Variants in AKAP13 observed in about 807,000 individuals in gnomAD.
AKAP13 encodes A-kinase anchoring protein 13.
A neutral mutation model predicts 264.5 loss-of-function variants in AKAP13; 80 were observed. The observed-to-expected ratio is 0.30, with a 90% confidence interval of 0.25 to 0.36. The LOEUF (loss-of-function observed/expected upper bound fraction) is 0.36. Ranked by LOEUF, AKAP13 falls within the 10% of genes least tolerant of loss-of-function variation. The pLI is 1.00. For synonymous variants in AKAP13, 1,380 were observed against 1,250.2 expected (o/e 1.10, Z -2.19); for missense variants, 3,712 against 3,435.2 (o/e 1.08, Z -2.01).
At chr15:85,525,528 A>T (rs1982743) in intron 3 of AKAP13, among the ~76,000 whole-genome samples, 79,064 of 151,610 alleles carry the variant, frequency 0.52, 21,003 homozygotes, top group Middle Eastern at 0.62. Context: ...TATTACATTT[A>T]AAACACCTAT....
chr15:85,518,258 CT>C (rs1343965439), intron 2 of AKAP13, among the ~76,000 whole-genome samples: 1 of 152,142 alleles, frequency 6.6e-6, no homozygotes, highest in Non-Finnish European at 1.5e-5. Context: ...CTCATTTAAT[CT>C]TTAAAAGCCA....
At chr15:85,742,449 C>T (rs545516345) in intron 35 of AKAP13, among the ~76,000 whole-genome samples, 11 of 152,260 alleles carry the variant, frequency 7.2e-5, no homozygotes, top group East Asian at 3.9e-4. Flanking sequence ...GTGGCAGGAT[C>T]GGTGGGAGGC....
At chr15:85,731,841 G>T (rs2088060690) in intron 30 of AKAP13, among the ~76,000 whole-genome samples, 1 of 152,050 alleles carries the variant, frequency 6.6e-6, no homozygotes, top group Admixed American at 6.6e-5. Flanking sequence ...CAGCATTTTG[G>T]GAGGCCGAGG....
chr15:85,385,610 G>A (rs2070519428), intron 1 of AKAP13, among the ~76,000 whole-genome samples: 1 of 152,142 alleles, frequency 6.6e-6, no homozygotes, highest in Non-Finnish European at 1.5e-5. Flanking sequence ...TTTCAAGAAT[G>A]TTGTAAAAAT....
chr15:85,721,185 T>G (rs928438558), intron 23 of AKAP13, among the ~76,000 whole-genome samples: 3 of 152,240 alleles, frequency 2.0e-5, no homozygotes, highest in Admixed American at 2.0e-4. Flanking sequence ...ACAGTTTAAC[T>G]CATAGTATCC....
chr15:85,589,082 A>C (rs796526973), intron 8 of AKAP13, among the ~76,000 whole-genome samples: 17 of 152,018 alleles, frequency 1.1e-4, no homozygotes, highest in African/African-American at 4.1e-4. Flanking sequence ...TGACTACTTA[A>C]CTCTTCTCCG....
In AKAP13 at chr15:85,744,650, A is replaced by G. The variant is rs1055701882; in HGVS notation, c.8415A>G (p.Ser2805=). The change falls in exon 37 of 37, where the codon TCA becomes TCG. Residue 2805 remains serine (S), a synonymous_variant. Transcript: ENST00000394518. ...QPGDGPASEV[S]AEGEEIFC is the part of the protein sequence containing the mutation. Reference sequence around the variant, plus strand: ...CAGATGGTCCCGCGTCAGAAGTATCAGCAGAGGGTGAAGAGATCTTCTGCT... The same window carrying G: ...CAGATGGTCCCGCGTCAGAAGTATCGGCAGAGGGTGAAGAGATCTTCTGCT... 10 of 1,613,034 alleles carry G rather than the reference A, an allele frequency of 6.2e-6. No homozygotes were observed. Among genetic ancestry groups the G allele is most frequent in the Non-Finnish European group, 8.5e-6 (10 of 1,179,674 alleles).
In AKAP13 at chr15:85,580,992, A is replaced by G. The variant is rs1351281740; in HGVS notation, c.2924A>G (p.Asp975Gly). ...EKSISADCAK[D>G]KALQLSNSPG... ...TCAATCTCAGCTGACTGTGCCAAGG[A>G]CAAAGCACTTCAGCTAAGTAATTCA... Residue 975 changes from aspartate to glycine, a missense_variant, in exon 7 of 37, where the codon GAC (aspartate) becomes GGC (glycine). Asp to Gly is a moderately conservative substitution (Grantham distance 94). Around this residue, in one of 3 missense-constraint regions of AKAP13, gnomAD observed 2,759 missense variants for 2,411.7 expected, o/e 1.14. Coordinates refer to ENST00000394518, the MANE Select transcript of AKAP13 (RefSeq NM_007200.5). 2.5e-6 allele frequency: 4 copies of G among 1,614,036 alleles called. No homozygotes were observed. In the South Asian group the frequency reaches 3.3e-5, roughly 13 times the overall value.
intron 35 of AKAP13, among the ~76,000 whole-genome samples, chr15:85,743,021 T>G (rs753648987): frequency 1.5e-4 from 23 of 152,282 alleles, no homozygotes; most frequent in African/African-American, 5.3e-4. Context: ...ATCCTCTTTA[T>G]CTCTGGTTTA....
rs760509302 is a variant in AKAP13 at position 85,727,196 on chromosome 15, A to G, written c.6953A>G (p.Lys2318Arg). 2 of 1,614,204 alleles carry G rather than the reference A, an allele frequency of 1.2e-6. No homozygotes were observed. Among genetic ancestry groups the G allele is most frequent in the South Asian group, 2.2e-5 (2 of 91,082 alleles). ...PEMVEVHASS[K>R]EERNSWIQII... ...ATGGTAGAAGTCCATGCCAGCTCCA[A>G]AGAGGAACGAAACAGCTGGATTCAG... Residue 2318 changes from lysine (K) to arginine (R), a missense_variant, in exon 28 of 37, where the codon AAA becomes AGA. By Grantham distance (26) the Lys-to-Arg change is conservative. Coordinates refer to ENST00000394518, the MANE Select transcript of AKAP13 (RefSeq NM_007200.5). This position sits in a 1 kb window ranked among gnomAD's most constrained non-coding sequence, Gnocchi z 5.3.
At chr15:85,695,795 T>C (rs1454694735) in intron 17 of AKAP13, among the ~76,000 whole-genome samples, 2 of 152,206 alleles carry the variant, frequency 1.3e-5, no homozygotes, top group Non-Finnish European at 1.5e-5. Flanking sequence ...AATAATAATT[T>C]CATGTAACCT....
intron 1 of AKAP13, among the ~76,000 whole-genome samples, chr15:85,470,569 C>G (rs754824866): frequency 2.6e-5 from 4 of 152,190 alleles, no homozygotes; most frequent in Non-Finnish European, 5.9e-5. Flanking sequence ...AAGGTTCTTT[C>G]AAATTCTTAA....
chr15:85,460,068 C>G (rs1367416256), intron 1 of AKAP13, among the ~76,000 whole-genome samples: 1 of 152,148 alleles, frequency 6.6e-6, no homozygotes, highest in Non-Finnish European at 1.5e-5. Context: ...ATATCAAGGG[C>G]AAAAATTGCT....
intron 8 of AKAP13, among the ~76,000 whole-genome samples, chr15:85,606,722 C>T (rs2080365773): frequency 6.6e-6 from 1 of 152,158 alleles, no homozygotes; most frequent in Non-Finnish European, 1.5e-5. Context: ...GGAAGAACAT[C>T]ATGGCAGGGT....
intron 8 of AKAP13, chr15:85,627,643 T>G (rs1486542502): frequency 2.0e-5 from 3 of 152,254 alleles, no homozygotes; most frequent in African/African-American, 7.2e-5. Context: ...CCTGTTGTTC[T>G]TCCTTGCTCA....
chr15:85,525,029 C>A (rs568312218), intron 3 of AKAP13, among the ~76,000 whole-genome samples: 4 of 149,472 alleles, frequency 2.7e-5, no homozygotes, highest in Non-Finnish European at 4.5e-5. Context: ...TACGTGGAGA[C>A]TTTGACTTTC....
intron 9 of AKAP13, among the ~76,000 whole-genome samples, chr15:85,643,199 A>ATTTTT (rs10674019): frequency 6.9e-6 from 1 of 145,538 alleles, no homozygotes; most frequent in Non-Finnish European, 1.5e-5. Flanking sequence ...TTCCTATGGC[A>ATTTTT]TTTTTTTTTT....
chr15:85,469,031 C>T (rs1429276037), intron 1 of AKAP13, among the ~76,000 whole-genome samples: 4 of 136,946 alleles, frequency 2.9e-5, no homozygotes, highest in South Asian at 4.5e-4. Flanking sequence ...TCTCCTGCCT[C>T]GGCCTCCCCA....
At position 85,735,941 on chromosome 15, in the gene AKAP13, GATAA is replaced by G. The variant is rs1373498207; in HGVS notation, c.7513-145_7513-142del. 17 of 741,222 alleles carry G rather than the reference GATAA, an allele frequency of 2.3e-5. No homozygotes were observed. In the East Asian group the frequency reaches 2.4e-4, roughly 10 times the overall value. The allele number at this position is 741,222 out of a possible 1,614,324, so 45.9% of individuals were successfully genotyped here. On this transcript the variant is annotated intron_variant, in intron 32 of 36. Transcript: ENST00000394518. ...CCTGACCTCCTTACAAGGTATCAGT[GATAA>G]ATAGTTCAACCTCTTAAACCTTCAC...
Sources: allele counts gnomAD v4.1 joint callset (sites outside exome capture counted in the v4.1 genomes callset), GRCh38; gene constraint gnomAD v4.1.1; regional missense constraint gnomAD v4.1.1; non-coding constraint Gnocchi (gnomAD v3.1); transcripts MANE v1.5; gene names NCBI Gene and HGNC (gene_info 2026-07-23, HGNC 2026-07-21).